Variants in ZFHX4 observed in about 807,000 individuals in gnomAD.
ZFHX4 encodes zinc finger homeobox protein 4.
ZFHX4 carries 56 observed loss-of-function variants against 267.6 expected under a neutral mutation model. That is an observed-to-expected ratio of 0.21 (90% CI 0.17 to 0.26). The LOEUF (loss-of-function observed/expected upper bound fraction) is 0.26. ZFHX4 is among the 10% of genes least tolerant of loss of function. The pLI, the probability that ZFHX4 is intolerant of heterozygous loss-of-function variation, is 1.00. For missense variants in ZFHX4, 4,332 were observed against 4,420.0 expected, an observed-to-expected ratio of 0.98 and a Z score of 0.56; for synonymous variants, 1,778 against 1,665.6, an observed-to-expected ratio of 1.07 and a Z score of -1.64.
At chr8:76,861,014 G>A (rs974900320) in intron 10 of ZFHX4, among the ~76,000 whole-genome samples, 2 of 152,066 alleles carry the variant, frequency 1.3e-5, no homozygotes, top group African/African-American at 4.8e-5. Context: ...TTACTTCACA[G>A]TTTTCCCTAG....
Position 76,852,734 on chromosome 8 carries a change from G to T in ZFHX4, c.5813G>T (p.Gly1938Val). The T allele has an allele frequency of 3.7e-6, 6 of 1,613,854 alleles. No homozygotes were observed. The highest frequency in any genetic ancestry group is 5.1e-6 in the Non-Finnish European group (6 of 1,179,842). Residue 1938 changes from glycine to valine, a missense_variant, in exon 10 of 11, where the codon GGT becomes GTT. Coordinates refer to ENST00000651372, the MANE Select transcript of ZFHX4 (RefSeq NM_024721.5). ...RQKVQKKGKS[G>V]EGENTDKLEC... ...AAGGTACAGAAGAAGGGCAAAAGTG[G>T]TGAAGGCGAAAACACTGACAAACTA...
intron 10 of ZFHX4, among the ~76,000 whole-genome samples, chr8:76,862,311 G>A (rs13255855): frequency 0.21 from 32,002 of 152,014 alleles, 4,896 homozygotes; most frequent in African/African-American, 0.43. Flanking sequence ...TCATGTTTGC[G>A]TACTACAAGC....
At position 76,865,936 on chromosome 8, in the gene ZFHX4, G is replaced by A. The variant is rs1225095036; in HGVS notation, c.*1371G>A. The A allele has an allele frequency of 1.3e-5, 2 of 152,528 alleles. No homozygotes were observed. Among genetic ancestry groups the A allele is most frequent in the African/African-American group, 4.8e-5 (2 of 41,424 alleles). 9.4% of individuals were successfully genotyped at this position (152,528 alleles called of 1,614,324 possible). A position where few individuals can be genotyped will look rare whatever the true frequency, so the allele number is the denominator to read the frequency against. ...ATCTTTATCAACATTTGCTGCTACT[G>A]TGTTAACATTTTTGTTTTGCTTGCC... On this transcript the variant is annotated 3_prime_UTR_variant, in exon 11 of 11. Coordinates refer to ENST00000651372, the MANE Select transcript of ZFHX4 (RefSeq NM_024721.5).
chr8:76,788,963 A>C (rs1214740590), intron 4 of ZFHX4, among the ~76,000 whole-genome samples: 2 of 152,236 alleles, frequency 1.3e-5, no homozygotes, highest in Non-Finnish European at 2.9e-5. Context: ...ATAGTTCATG[A>C]AAACATTTAT....
chr8:76,742,202 G>A (rs1052606998), intron 3 of ZFHX4, among the ~76,000 whole-genome samples: 12 of 151,800 alleles, frequency 7.9e-5, no homozygotes, highest in African/African-American at 2.9e-4. Context: ...TTGGGTGAAA[G>A]CAAAGACCCA....
intron 4 of ZFHX4, among the ~76,000 whole-genome samples, chr8:76,784,516 A>AT (rs1337336832): frequency 6.6e-6 from 1 of 151,972 alleles, no homozygotes; most frequent in Non-Finnish European, 1.5e-5. Flanking sequence ...TGATGTGCTA[A>AT]TGTGTGGGCC....
chr8:76,849,179 C>G lies in ZFHX4; in HGVS notation c.3645+51C>G, dbSNP rs903021471. ...GTGTAAATCTTTATTTTTTATTGCT[C>G]CTGATAGTTTTAAAGCCCCAAATGA... On this transcript the variant is annotated intron_variant, in intron 7 of 10. Transcript: ENST00000651372. 21 of 1,500,562 alleles carry G rather than the reference C, an allele frequency of 1.4e-5. No individual in the cohort carries two copies. The East Asian group carries it at 4.9e-4, about 35-fold the overall frequency. 93.0% of individuals were successfully genotyped at this position (1,500,562 alleles called of 1,614,324 possible).
chr8:76,763,224 C>T (rs1205652214), intron 3 of ZFHX4, among the ~76,000 whole-genome samples: 1 of 134,490 alleles, frequency 7.4e-6, no homozygotes, highest in Non-Finnish European at 1.5e-5. Flanking sequence ...CGTACTTGGG[C>T]TGTTCCCGTC....
chr8:76,713,315 AGAT>A (rs1808478919), intron 3 of ZFHX4, among the ~76,000 whole-genome samples: 1 of 151,508 alleles, frequency 6.6e-6, no homozygotes, highest in Non-Finnish European at 1.5e-5. Flanking sequence ...ATAGATAGAT[AGAT>A]GATAGACAGA....
intron 10 of ZFHX4, among the ~76,000 whole-genome samples, chr8:76,858,141 C>T (rs1735872850): frequency 6.6e-6 from 1 of 152,170 alleles, no homozygotes; most frequent in South Asian, 2.1e-4. Context: ...GTCCTTCTGC[C>T]AACTGCTCTT....
Position 76,852,481 on chromosome 8 carries a change from T to C in ZFHX4, c.5560T>C (p.Ser1854Pro), listed in dbSNP as rs750541264. ...CTGCCAAATCATGAAGGATGTGCCA[T>C]CTTATAAGGAGGCAGAAGATATTTC... ...ADCQIMKDVP[S>P]YKEAEDISEK... is the part of the protein sequence containing the mutation. Residue 1854 changes from serine to proline, a missense_variant, in exon 10 of 11, where the codon TCT becomes CCT. This residue lies in a region of ZFHX4 where 1,371 missense variants were observed against 1,423.1 expected (regional missense o/e 0.96). Coordinates refer to ENST00000651372, the MANE Select transcript of ZFHX4 (RefSeq NM_024721.5). The C allele has an allele frequency of 6.3e-7, 1 of 1,589,054 alleles. No homozygotes were observed. Among genetic ancestry groups the C allele is most frequent in the South Asian group, 1.1e-5 (1 of 87,186 alleles).
intron 4 of ZFHX4, among the ~76,000 whole-genome samples, chr8:76,828,138 A>G (rs897266251): frequency 6.6e-6 from 1 of 152,232 alleles, no homozygotes; most frequent in African/African-American, 2.4e-5. Context: ...TGACTTTTGC[A>G]ATGCCAAGAC....
chr8:76,716,543 A>G (rs1808580017), intron 3 of ZFHX4, among the ~76,000 whole-genome samples: 1 of 152,156 alleles, frequency 6.6e-6, no homozygotes, highest in Non-Finnish European at 1.5e-5. Context: ...TTATGCCCCT[A>G]GCCCACATTA....
At position 76,850,240 on chromosome 8, in the gene ZFHX4, CA is replaced by C; in HGVS notation, c.3847-2del. On this transcript the variant is annotated splice_region_variant and splice_polypyrimidine_tract_variant and intron_variant, in intron 8 of 10. Coordinates refer to ENST00000651372, the MANE Select transcript of ZFHX4 (RefSeq NM_024721.5). ...ATTTAACATAAACCCCTTTGGTTTC[CA>C]AAGGTGCCTGTCCCTGATGTGATGA... 1 of 1,608,678 alleles carries C rather than the reference CA, an allele frequency of 6.2e-7. No homozygotes were observed. Among genetic ancestry groups the C allele is most frequent in the Non-Finnish European group, 8.5e-7 (1 of 1,177,838 alleles).
At chr8:76,701,871 G>T (rs1041622521) in intron 1 of ZFHX4, among the ~76,000 whole-genome samples, 1 of 152,100 alleles carries the variant, frequency 6.6e-6, no homozygotes, top group South Asian at 2.1e-4. Context: ...AATCACCCTC[G>T]GTTCTGGAAC....
Position 76,854,214 on chromosome 8 carries a change from A to G in ZFHX4, c.7293A>G (p.Leu2431=), listed in dbSNP as rs764617138. Residue 2431 remains leucine (L), a synonymous_variant, in exon 10 of 11, where the codon TTA becomes TTG. Coordinates refer to ENST00000651372, the MANE Select transcript of ZFHX4 (RefSeq NM_024721.5). Reference sequence around the variant, plus strand: ...AAGGCACCAAACCAGCCCTGCCATTAGCATCGACTTCCTCGGACCCACCAC... The same window carrying G: ...AAGGCACCAAACCAGCCCTGCCATTGGCATCGACTTCCTCGGACCCACCAC... ...PSQGTKPALP[L]ASTSSDPPQA... is the part of the protein sequence containing the mutation. 6.4e-7 allele frequency: 1 copy of G among 1,567,966 alleles called. No homozygotes were observed. The highest frequency in any genetic ancestry group is 1.9e-5 in the Admixed American group (1 of 51,814).
chr8:76,724,632 G>C (rs1808805995), intron 3 of ZFHX4, among the ~76,000 whole-genome samples: 1 of 152,238 alleles, frequency 6.6e-6, no homozygotes, highest in East Asian at 1.9e-4. Context: ...TCTGAGTCCA[G>C]AAGTTGGTTT....
chr8:76,725,231 T>C (rs1053958837), intron 3 of ZFHX4, among the ~76,000 whole-genome samples: 2 of 152,104 alleles, frequency 1.3e-5, no homozygotes, highest in African/African-American at 4.8e-5. Context: ...TACACAATCT[T>C]ATGATCAACA....
chr8:76,840,209 G>A (rs1446752099), intron 5 of ZFHX4, among the ~76,000 whole-genome samples: 7 of 152,150 alleles, frequency 4.6e-5, no homozygotes, highest in Non-Finnish European at 1.0e-4. Flanking sequence ...GGGGAAAAAA[G>A]TCACAGAAGC....
Sources: allele counts gnomAD v4.1 joint callset (sites outside exome capture counted in the v4.1 genomes callset), GRCh38; gene constraint gnomAD v4.1.1; regional missense constraint gnomAD v4.1.1; transcripts MANE v1.5; gene names NCBI Gene and HGNC (gene_info 2026-07-23, HGNC 2026-07-21).